Variants in TPH2 observed in about 807,000 individuals in gnomAD.
TPH2 encodes the protein tryptophan 5-hydroxylase 2.
A neutral mutation model predicts 59.1 loss-of-function variants in TPH2; 27 were observed. The ratio of observed to expected loss-of-function variants is 0.46; its 90% CI spans 0.34 to 0.63. The LOEUF (loss-of-function observed/expected upper bound fraction) is 0.63, where lower values mean the gene tolerates loss of function less well. Among genes scored for constraint, TPH2 ranks in the 30% least tolerant of loss-of-function variants. The pLI is 0.01. For missense variants in TPH2, 523 were observed against 588.3 expected, an observed-to-expected ratio of 0.89 and a Z score of 1.15; for synonymous variants, 220 against 210.5, an observed-to-expected ratio of 1.05 and a Z score of -0.39.
intron 5 of TPH2, among the ~76,000 whole-genome samples, chr12:71,967,569 A>G (rs1406723840): frequency 6.6e-6 from 1 of 152,204 alleles, no homozygotes. Flanking sequence ...TTCTCCAGTA[A>G]ATTAAGAACC....
At chr12:71,983,842 T>C (rs1872357424) in intron 7 of TPH2, among the ~76,000 whole-genome samples, 1 of 151,146 alleles carries the variant, frequency 6.6e-6, no homozygotes, top group Non-Finnish European at 1.5e-5. Flanking sequence ...ACTAGCAGTG[T>C]GTGGGCCCCT....
chr12:71,979,185 A>C, intron 7 of TPH2, 98 bp downstream of exon 7: 2 of 1,520,354 alleles, frequency 1.3e-6, no homozygotes, highest in Non-Finnish European at 1.8e-6. Context: ...CTCCAAACTA[A>C]TTTCCTTGAG....
chr12:71,943,621 T>A (rs1466427410), intron 2 of TPH2, among the ~76,000 whole-genome samples: 1 of 152,160 alleles, frequency 6.6e-6, no homozygotes, highest in Non-Finnish European at 1.5e-5. Flanking sequence ...ATTATTTTTT[T>A]ACCTTTTTTT....
intron 8 of TPH2, among the ~76,000 whole-genome samples, chr12:72,013,350 T>TA (rs1304318915): frequency 1.3e-5 from 2 of 152,192 alleles, no homozygotes; most frequent in African/African-American, 4.8e-5. Flanking sequence ...GAATCACTGG[T>TA]AAAAGAGGCC....
At position 71,980,754 on chromosome 12, in the gene TPH2, G is replaced by A. The variant is rs534405168; in HGVS notation, c.941+1667G>A. Reference sequence around the variant, plus strand: ...TGGCCCTCCTGAGACCTGTGACAGCGTGCCAATAGGTATGCAGAGAGAGAG... The same window carrying A: ...TGGCCCTCCTGAGACCTGTGACAGCATGCCAATAGGTATGCAGAGAGAGAG... On this transcript the variant is annotated intron_variant, in intron 7 of 10. Transcript: ENST00000333850. 2.2e-4 allele frequency among the ~76,000 whole-genome samples: 34 copies of A among 152,172 alleles called. No homozygotes were observed. The South Asian group carries it at 4.2e-3, about 19-fold the overall frequency.
At chr12:71,954,010 C>A (rs950193608) in intron 5 of TPH2, among the ~76,000 whole-genome samples, 4 of 152,076 alleles carry the variant, frequency 2.6e-5, no homozygotes, top group African/African-American at 9.7e-5. Context: ...AAGAAGCCCT[C>A]TGGGGGATTC....
At chr12:72,010,643 G>A (rs1230335257) in intron 8 of TPH2, among the ~76,000 whole-genome samples, 1 of 152,154 alleles carries the variant, frequency 6.6e-6, no homozygotes, top group East Asian at 1.9e-4. Context: ...AAAGAAATAG[G>A]CGAGAAAGTG....
chr12:71,976,340 G>T (rs557665964), intron 6 of TPH2, among the ~76,000 whole-genome samples: 109 of 152,216 alleles, frequency 7.2e-4, no homozygotes, highest in African/African-American at 2.5e-3. Context: ...TTTGTATCAC[G>T]CACTGGCATG....
intron 7 of TPH2, among the ~76,000 whole-genome samples, chr12:71,994,172 T>C (rs534240848): frequency 6.6e-6 from 1 of 152,356 alleles, no homozygotes; most frequent in East Asian, 1.9e-4. Context: ...ACACTTACCA[T>C]GTACTTGGTA....
intron 5 of TPH2, 22 bp downstream of exon 5, chr12:71,949,677 T>C (rs1224111573): frequency 1.3e-6 from 2 of 1,592,252 alleles, no homozygotes; most frequent in African/African-American, 1.3e-5. Context: ...TATAACTCTT[T>C]CTTGTCACTG....
intron 5 of TPH2, chr12:71,962,594 A>G: frequency 1.0e-6 from 1 of 985,342 alleles, no homozygotes; most frequent in Non-Finnish European, 1.2e-6. Flanking sequence ...ATTGAAATAT[A>G]TGAGGCAAGA....
intron 8 of TPH2, among the ~76,000 whole-genome samples, chr12:72,017,948 G>A (rs1464269819): frequency 1.3e-5 from 2 of 152,250 alleles, no homozygotes; most frequent in East Asian, 3.9e-4. Context: ...GTCTTCACCA[G>A]TATTGAAAAC....
At chr12:71,959,552 A>G (rs1871618246) in intron 5 of TPH2, among the ~76,000 whole-genome samples, 1 of 152,096 alleles carries the variant, frequency 6.6e-6, no homozygotes, top group Non-Finnish European at 1.5e-5. Context: ...GGGTGGCTCT[A>G]CCTCTCCACC....
At chr12:71,956,732 C>G (rs996971794) in intron 5 of TPH2, among the ~76,000 whole-genome samples, 3 of 152,100 alleles carry the variant, frequency 2.0e-5, no homozygotes, top group African/African-American at 7.2e-5. Context: ...GCCTCAGCCT[C>G]CCGAGTAGCT....
chr12:71,968,943 A>G (rs1004412967), intron 5 of TPH2, among the ~76,000 whole-genome samples: 1 of 152,232 alleles, frequency 6.6e-6, no homozygotes, highest in Non-Finnish European at 1.5e-5. Flanking sequence ...GGATGTTGGA[A>G]TATGACTTCT....
At chr12:71,972,813 A>G in intron 6 of TPH2, 98 bp downstream of exon 6, 2 of 1,306,508 alleles carry the variant, frequency 1.5e-6, no homozygotes, top group Non-Finnish European at 2.1e-6. Context: ...AAAAAGGAAA[A>G]ACAGTGATTT....
chr12:71,943,065 A>G (rs943511662), intron 2 of TPH2, among the ~76,000 whole-genome samples: 2 of 152,302 alleles, frequency 1.3e-5, no homozygotes, highest in African/African-American at 4.8e-5. Flanking sequence ...AAAGGTCATT[A>G]AAAGCCCAAC....
intron 8 of TPH2, among the ~76,000 whole-genome samples, chr12:71,999,068 A>T (rs1592405071): frequency 6.6e-6 from 1 of 152,138 alleles, no homozygotes; most frequent in Admixed American, 6.6e-5. Context: ...AAAGAAGAAA[A>T]CCACCTCCAC....
intron 7 of TPH2, among the ~76,000 whole-genome samples, chr12:71,988,180 T>C (rs1055822004): frequency 6.6e-6 from 1 of 152,110 alleles, no homozygotes; most frequent in African/African-American, 2.4e-5. Context: ...GACTGTAGGG[T>C]ATATGCTTTG....
Sources: gnomAD v4.1 joint callset for allele counts (sites outside exome capture counted in the v4.1 genomes callset) on GRCh38, gnomAD v4.1.1 for gene constraint, MANE v1.5 for transcripts, NCBI Gene and HGNC (gene_info 2026-07-23, HGNC 2026-07-21) for gene names.